SRMS: variants seen among roughly 807,000 people sequenced by gnomAD.
SRMS encodes tyrosine-protein kinase Srms.
SRMS carries 42 observed loss-of-function variants against 43.5 expected under a neutral mutation model. The ratio of observed to expected loss-of-function variants is 0.97; its 90% CI spans 0.75 to 1.25. SRMS has a LOEUF of 1.25. Ranked by LOEUF, SRMS falls within the 50% of genes most tolerant of loss-of-function variation. The pLI is 0.00. For synonymous variants in SRMS, 316 were observed against 308.2 expected, an observed-to-expected ratio of 1.03 and a Z score of -0.27; for missense variants, 703 against 681.0, an observed-to-expected ratio of 1.03 and a Z score of -0.36.
intron 2 of SRMS, 26 bp downstream of exon 2, chr20:63,544,201 G>C: frequency 1.4e-6 from 2 of 1,426,168 alleles, no homozygotes. Flanking sequence ...GTGGGGGACA[G>C]AGGCAGGAGG....
chr20:63,541,165 C>G (rs777014583), intron 7 of SRMS, 26 bp downstream of exon 7: 1 of 1,546,654 alleles, frequency 6.5e-7, no homozygotes, highest in East Asian at 2.3e-5. Flanking sequence ...AGCCTGCATC[C>G]TCCCTCTGGC....
intron 1 of SRMS, among the ~76,000 whole-genome samples, chr20:63,546,188 C>A (rs991907007): frequency 6.6e-6 from 1 of 152,186 alleles, no homozygotes; most frequent in African/African-American, 2.4e-5. Context: ...ATCACAAAGG[C>A]TGCTTGCCCC....
Position 63,539,921 on chromosome 20 carries a change from C to T in SRMS, c.*897G>A, listed in dbSNP as rs2082693276. 6.6e-6 allele frequency among the ~76,000 whole-genome samples: 1 copy of T among 152,232 alleles called. No homozygotes were observed. The highest frequency in any genetic ancestry group is 2.1e-4 in the South Asian group (1 of 4,830). ...GCCTCCCGGCCCACCCTTCCTGTGC[C>T]ACCTGGAACCCACCCAGGGAGATGG... On this transcript the variant is annotated 3_prime_UTR_variant, in exon 8 of 8. Coordinates refer to ENST00000217188, the MANE Select transcript of SRMS (RefSeq NM_080823.4).
intron 3 of SRMS, 53 bp from the exon 4 acceptor site, chr20:63,542,634 C>T: frequency 1.3e-6 from 2 of 1,542,256 alleles, no homozygotes; most frequent in East Asian, 2.3e-5. Flanking sequence ...TGTGCTCTGT[C>T]CCAGGCACAG....
rs2082691966 is a variant in SRMS at position 63,539,693 on chromosome 20, C to T, written c.*1125G>A. 1.3e-5 allele frequency among the ~76,000 whole-genome samples: 2 copies of T among 152,188 alleles called. No homozygotes were observed. The highest frequency in any genetic ancestry group is 2.9e-5 in the Non-Finnish European group (2 of 68,016). On this transcript the variant is annotated 3_prime_UTR_variant, in exon 8 of 8. Transcript: ENST00000217188. ...AGACGAGGGCGGACCCTGCACATCC[C>T]TGCCCCCTCCTGCCTTGGTGACCCC...
rs1341845381 is a variant in SRMS, at chr20:63,544,232, AGT to A, written c.471_472del (p.Leu158ValfsTer18). ...GGAGGGGCCGCCCCAGGTACCTGACAGTGAGTAGCCCCCGAGGCTGCTCTCGC... is the reference window on the plus strand; with the variant it reads ...GGAGGGGCCGCCCCAGGTACCTGACAGAGTAGCCCCCGAGGCTGCTCTCGC... On this transcript the variant is annotated frameshift_variant, in exon 2 of 8. Coordinates refer to ENST00000217188, the MANE Select transcript of SRMS (RefSeq NM_080823.4). LOFTEE classifies it high-confidence loss of function. 1 of 1,458,180 alleles carries A rather than the reference AGT, an allele frequency of 6.9e-7. No homozygotes were observed. The allele number at this position is 1,458,180 out of a possible 1,614,324, so 90.3% of individuals were successfully genotyped here.
rs2145983074 is a variant in SRMS, at chr20:63,542,053, G to T, written c.946+110C>A. The T allele has an allele frequency of 4.8e-6, 7 of 1,462,974 alleles. 1 individual carries two copies. In the South Asian group the frequency reaches 9.5e-5, roughly 20 times the overall value. 90.6% of individuals were successfully genotyped at this position (1,462,974 alleles called of 1,614,324 possible). ...CTGCAGCCGGGGCCACCTGCTCCCG[G>T]TAGAGAGGCCCGGTTCACCTCGGAA... On this transcript the variant is annotated intron_variant, in intron 5 of 7. Transcript: ENST00000217188.
At chr20:63,541,060 T>C in intron 7 of SRMS, 61 bp from the exon 8 acceptor site, 2 of 1,595,576 alleles carry the variant, frequency 1.3e-6, no homozygotes, top group Non-Finnish European at 1.7e-6. Context: ...GGAGGAGGCC[T>C]CCTGTAGCCC....
chr20:63,547,463 TC>T lies in SRMS; in HGVS notation c.-1del. 1 of 1,481,222 alleles carries T rather than the reference TC, an allele frequency of 6.8e-7. No homozygotes were observed. The highest frequency in any genetic ancestry group is 9.0e-7 in the Non-Finnish European group (1 of 1,112,712). The allele number at this position is 1,481,222 out of a possible 1,614,324, so 91.8% of individuals were successfully genotyped here. ...AGCCGCCTCCTGAGGAACGGCTCCA[TC>T]CCCCGGGGTCACCACGCTGGGCCCG... On this transcript the variant is annotated 5_prime_UTR_variant, in exon 1 of 8. Transcript: ENST00000217188.
chr20:63,544,891 A>AGGGGCAGCCAGTGGGCGGCTGCAG (rs2082723093), intron 1 of SRMS, among the ~76,000 whole-genome samples: 1 of 152,174 alleles, frequency 6.6e-6, no homozygotes, highest in Non-Finnish European at 1.5e-5. Flanking sequence ...GGAGGTCAGG[A>AGGGGCAGCCAGTGGGCGGCTGCAG]GGGGCAGCCA....
intron 1 of SRMS, among the ~76,000 whole-genome samples, chr20:63,544,721 G>A (rs530322421): frequency 2.6e-5 from 4 of 152,340 alleles, no homozygotes; most frequent in South Asian, 2.1e-4. Context: ...TGGAGCTGAC[G>A]GCCTGGTGAG....
At position 63,539,506 on chromosome 20, in the gene SRMS, T is replaced by C. The variant is rs1320548611; in HGVS notation, c.*1312A>G. Among the ~76,000 whole-genome samples the C allele has an allele frequency of 6.6e-6, 1 of 152,170 alleles. No homozygotes were observed. The highest frequency in any genetic ancestry group is 2.4e-5 in the African/African-American group (1 of 41,434). On this transcript the variant is annotated 3_prime_UTR_variant, in exon 8 of 8. Coordinates refer to ENST00000217188, the MANE Select transcript of SRMS (RefSeq NM_080823.4). ...GTCAGGCCTGAACTTGTCTCCAAAC[T>C]TTCTGTCCCCGAAAGCCTTCTGGGC...
At position 63,542,674 on chromosome 20, in the gene SRMS, C is replaced by G. The variant is rs781447013; in HGVS notation, c.646-93G>C. Reference sequence around the variant, plus strand: ...CCACACCAGGCCTCTGGCGGGCACCCCTGTCCCCAGCACACACTCACCCCA... The same window carrying G: ...CCACACCAGGCCTCTGGCGGGCACCGCTGTCCCCAGCACACACTCACCCCA... On this transcript the variant is annotated intron_variant, in intron 3 of 7. Transcript: ENST00000217188. 465 of 1,427,820 alleles carry G rather than the reference C, an allele frequency of 3.3e-4. 2 individuals are homozygous for G. The highest frequency in any genetic ancestry group is 7.3e-4 in the Admixed American group (28 of 38,552). 88.4% of individuals were successfully genotyped at this position (1,427,820 alleles called of 1,614,324 possible).
rs2082714974 is a variant in SRMS at position 63,543,433 on chromosome 20, C to T, written c.526G>A (p.Asp176Asn). The T allele has an allele frequency of 6.2e-7, 1 of 1,612,718 alleles. No homozygotes were observed. The highest frequency in any genetic ancestry group is 8.5e-7 in the Non-Finnish European group (1 of 1,179,976). Residue 176 changes from aspartate (D) to asparagine (N), a missense_variant, in exon 3 of 8, where the codon GAT becomes AAT. Transcript: ENST00000217188. ...VCHYRVSMAA[D>N]GSLYLQKGRL... ...CCCTTCTGCAGGTAGAGGCTGCCAT[C>T]AGCTGCCATGGAGACCCGGTAGTGG...
chr20:63,542,093 G>A (rs1414906319), intron 5 of SRMS, 70 bp downstream of exon 5: 3 of 1,552,940 alleles, frequency 1.9e-6, no homozygotes, highest in Non-Finnish European at 2.6e-6. Context: ...CGCAGGTTCA[G>A]CTCTGCGCCA....
rs200888288 is a variant in SRMS, at chr20:63,541,507, G to A, written c.1060C>T (p.Arg354Trp). ...AGGCCGTCGTCCACGAGCACGTTCC[G>A]GGCGGCCAAGTCCCGGTGCACAACG... is the stretch of plus-strand genomic sequence containing the variant. ...QRVVHRDLAA[R>W]NVLVDDGLAC... Residue 354 changes from arginine to tryptophan, a missense_variant, in exon 6 of 8, where the codon CGG becomes TGG. Coordinates refer to ENST00000217188, the MANE Select transcript of SRMS (RefSeq NM_080823.4). The A allele has an allele frequency of 3.0e-5, 48 of 1,607,062 alleles. No homozygotes were observed. In the South Asian group the frequency reaches 3.3e-4, roughly 11 times the overall value.
chr20:63,542,717 G>A, intron 3 of SRMS, 136 bp from the exon 4 acceptor site: 3 of 1,182,066 alleles, frequency 2.5e-6, no homozygotes, highest in Non-Finnish European at 3.4e-6. Context: ...TGGGACAAAG[G>A]GGAGTGGGTG....
At chr20:63,543,659 C>T in intron 2 of SRMS, 179 bp from the exon 3 acceptor site, 1 of 715,808 alleles carries the variant, frequency 1.4e-6, no homozygotes, top group Non-Finnish European at 2.2e-6. Flanking sequence ...TGGGGCGGGG[C>T]AGCGAGAGCG....
intron 1 of SRMS, 93 bp downstream of exon 1, chr20:63,547,015 G>T: frequency 1.7e-6 from 2 of 1,144,938 alleles, no homozygotes; most frequent in Non-Finnish European, 2.4e-6. Flanking sequence ...AGATAGCCAC[G>T]GACATGCGAT....
Sources: gnomAD v4.1 joint callset for allele counts (sites outside exome capture counted in the v4.1 genomes callset) on GRCh38, gnomAD v4.1.1 for gene constraint, MANE v1.5 for transcripts, NCBI Gene and HGNC (gene_info 2026-07-23, HGNC 2026-07-21) for gene names.